FGF12: variants seen among roughly 807,000 people sequenced by gnomAD.
FGF12 encodes the protein fibroblast growth factor 12, also known as fibroblast growth factor 12B.
FGF12 carries 14 observed loss-of-function variants against 23.6 expected under a neutral mutation model. The observed-to-expected ratio is 0.59, with a 90% CI of 0.39 to 0.93. FGF12 has a LOEUF of 0.93. FGF12 is among the 40% of genes least tolerant of loss of function. The pLI, the probability that FGF12 is intolerant of heterozygous loss-of-function variation, is 0.00. For synonymous variants in FGF12, 62 were observed against 77.3 expected, an observed-to-expected ratio of 0.80 and a Z score of 1.04; for missense variants, 175 against 217.8, an observed-to-expected ratio of 0.80 and a Z score of 1.24.
intron 2 of FGF12, among the ~76,000 whole-genome samples, chr3:192,691,317 T>C (rs544539010): frequency 2.8e-4 from 42 of 152,146 alleles, no homozygotes; most frequent in African/African-American, 9.1e-4. Flanking sequence ...TGCAAGAATA[T>C]TGAAATCATA....
intron 2 of FGF12, among the ~76,000 whole-genome samples, chr3:192,723,535 T>G (rs1323886867): frequency 6.6e-6 from 1 of 151,932 alleles, no homozygotes; most frequent in Non-Finnish European, 1.5e-5. Flanking sequence ...GTGTAGGGAC[T>G]GAGATTCTGC....
At chr3:192,376,607 C>A (rs923170544) in intron 2 of FGF12, among the ~76,000 whole-genome samples, 1 of 152,164 alleles carries the variant, frequency 6.6e-6, no homozygotes, top group African/African-American at 2.4e-5. Flanking sequence ...GGTGATCTGC[C>A]TGCCTTGGCC....
Position 192,630,554 on chromosome 3 carries a change from A to ATTT in FGF12, c.13+96624_13+96626dup, listed in dbSNP as rs10695787. ...CACATTGTTGCTATAAAAAAATTCA[A>ATTT]TTTTTTTTTTTTTTTTTAGATGGAG... On this transcript the variant is annotated intron_variant, in intron 2 of 5. Coordinates refer to ENST00000445105, the MANE Select transcript of FGF12 (RefSeq NM_004113.6). Among the ~76,000 whole-genome samples, 930 of 140,348 alleles carry ATTT rather than the reference A, an allele frequency of 6.6e-3. 14 individuals carry two copies. The highest frequency in any genetic ancestry group is 0.014 in the African/African-American group (551 of 38,098). 92.1% of individuals were successfully genotyped at this position (140,348 alleles called of 152,430 possible). A position where few individuals can be genotyped will look rare whatever the true frequency, so the allele number is the denominator to read the frequency against.
At chr3:192,532,554 G>GT (rs1282612297) in intron 2 of FGF12, among the ~76,000 whole-genome samples, 5 of 151,888 alleles carry the variant, frequency 3.3e-5, no homozygotes, top group Non-Finnish European at 7.4e-5. Context: ...CAACTTTGTC[G>GT]TTGTTGGTGT....
chr3:192,375,711 C>T (rs1404185184), intron 2 of FGF12, among the ~76,000 whole-genome samples: 1 of 151,348 alleles, frequency 6.6e-6, no homozygotes, highest in African/African-American at 2.4e-5. Flanking sequence ...AATAAGGAAC[C>T]AATCTATTAA....
At chr3:192,198,441 A>ATT (rs1717195231) in intron 4 of FGF12, among the ~76,000 whole-genome samples, 1 of 152,218 alleles carries the variant, frequency 6.6e-6, no homozygotes, top group Admixed American at 6.5e-5. Context: ...AAAAGCTAAA[A>ATT]TCAGTAATAA....
intron 2 of FGF12, among the ~76,000 whole-genome samples, chr3:192,379,835 T>C (rs1719741163): frequency 1.3e-5 from 2 of 152,236 alleles, no homozygotes; most frequent in African/African-American, 4.8e-5. Context: ...TTCACTCCAT[T>C]ACTCAGCTTT....
At chr3:192,647,536 T>C (rs909587778) in intron 2 of FGF12, among the ~76,000 whole-genome samples, 1 of 151,754 alleles carries the variant, frequency 6.6e-6, no homozygotes, top group African/African-American at 2.4e-5. Flanking sequence ...TCAGGAAGTA[T>C]TAAAAAAAGT....
chr3:192,428,798 T>C (rs914237584), intron 2 of FGF12, among the ~76,000 whole-genome samples: 13 of 152,200 alleles, frequency 8.5e-5, no homozygotes, highest in African/African-American at 3.1e-4. Flanking sequence ...AGATGAAGGA[T>C]ATGAGGTTGT....
chr3:192,162,658 C>CT (rs1361722713), intron 5 of FGF12, among the ~76,000 whole-genome samples: 7 of 152,022 alleles, frequency 4.6e-5, no homozygotes, highest in African/African-American at 1.7e-4. Context: ...CATCTTTCTG[C>CT]TTTTGTCTTT....
chr3:192,704,643 C>T (rs1032106037), intron 2 of FGF12, among the ~76,000 whole-genome samples: 1 of 152,126 alleles, frequency 6.6e-6, no homozygotes, highest in Non-Finnish European at 1.5e-5. Flanking sequence ...GCTGCATTAG[C>T]CCCTAACAAA....
intron 2 of FGF12, among the ~76,000 whole-genome samples, chr3:192,443,603 C>T (rs542065891): frequency 3.9e-5 from 6 of 152,234 alleles, no homozygotes; most frequent in Admixed American, 2.6e-4. Flanking sequence ...TTTGTTTTGG[C>T]TCAATATTTA....
intron 5 of FGF12, among the ~76,000 whole-genome samples, chr3:192,150,290 C>A (rs1370543442): frequency 5.8e-5 from 5 of 86,620 alleles, no homozygotes; most frequent in African/African-American, 8.9e-5. Flanking sequence ...ATGGTAGTTT[C>A]TTTTGCTGTG....
chr3:192,302,613 A>G (rs918078575), intron 4 of FGF12, among the ~76,000 whole-genome samples: 1 of 152,230 alleles, frequency 6.6e-6, no homozygotes, highest in Admixed American at 6.5e-5. Flanking sequence ...TGGTCCTTGC[A>G]TATTAGTCAT....
intron 2 of FGF12, among the ~76,000 whole-genome samples, chr3:192,480,643 G>C (rs1183807348): frequency 6.6e-6 from 1 of 152,054 alleles, no homozygotes; most frequent in Non-Finnish European, 1.5e-5. Flanking sequence ...TCTCACTATG[G>C]GGAAACACTG....
intron 2 of FGF12, among the ~76,000 whole-genome samples, chr3:192,670,032 A>G (rs1009505355): frequency 6.6e-6 from 1 of 152,226 alleles, no homozygotes; most frequent in Non-Finnish European, 1.5e-5. Flanking sequence ...TAAGAAAAAT[A>G]TCCACAATTA....
chr3:192,652,324 G>A lies in FGF12; in HGVS notation c.13+74857C>T, dbSNP rs146550846. Among the ~76,000 whole-genome samples, 304 of 152,266 alleles carry A rather than the reference G, an allele frequency of 2.0e-3. 1 individual carries two copies. The highest frequency in any genetic ancestry group is 5.8e-3 in the African/African-American group (241 of 41,560). The stretch of plus-strand genomic sequence containing the variant: ...AATAGGGAGCATAGCAAGGGAAGGC[G>A]TGCCAACATGGAAAGAAGAGCAGGA... On this transcript the variant is annotated intron_variant, in intron 2 of 5. Coordinates refer to ENST00000445105, the MANE Select transcript of FGF12 (RefSeq NM_004113.6).
rs994408963 is a variant in FGF12, at chr3:192,154,006, G to A, written c.428-9879C>T. On this transcript the variant is annotated intron_variant, in intron 5 of 5. Transcript: ENST00000445105. ...TAGTCCCATATTTCTTGGAGGCTTT[G>A]CTCATTTCTTTTTATTCTTTTTTCT... is the stretch of plus-strand genomic sequence containing the variant. Among the ~76,000 whole-genome samples, 3 of 77,900 alleles carry A rather than the reference G, an allele frequency of 3.9e-5. 1 individual carries two copies. Among genetic ancestry groups the A allele is most frequent in the Non-Finnish European group, 7.9e-5 (3 of 38,064 alleles). 51.1% of individuals were successfully genotyped at this position (77,900 alleles called of 152,430 possible).
chr3:192,678,490 A>T (rs1717406211), intron 2 of FGF12, among the ~76,000 whole-genome samples: 1 of 152,156 alleles, frequency 6.6e-6, no homozygotes. Flanking sequence ...TGAAAGACTC[A>T]AACTCGTTCA....
Sources: gnomAD v4.1 joint callset for allele counts (sites outside exome capture counted in the v4.1 genomes callset) on GRCh38, gnomAD v4.1.1 for gene constraint, MANE v1.5 for transcripts, NCBI Gene and HGNC (gene_info 2026-07-23, HGNC 2026-07-21) for gene names.